The following FAAH2 variants were observed in gnomAD, a reference collection of about 807,000 sequenced individuals.
FAAH2 encodes fatty-acid amide hydrolase 2.
FAAH2 carries 60 observed loss-of-function variants against 36.9 expected under a neutral mutation model. The observed-to-expected ratio is 1.63, with a 90% CI of 1.32 to 2.02. The LOEUF (loss-of-function observed/expected upper bound fraction) is 2.02, where lower values mean the gene tolerates loss of function less well. Ranked by LOEUF, FAAH2 falls within the 30% of genes most tolerant of loss-of-function variation. The pLI is 0.00. For synonymous variants in FAAH2, 214 were observed against 143.8 expected, an observed-to-expected ratio of 1.49 and a Z score of -3.49; for missense variants, 689 against 397.5, an observed-to-expected ratio of 1.73 and a Z score of -6.23.
chrX:57,284,247 G>T (rs1281640234), upstream of FAAH2, among the ~76,000 whole-genome samples: 1 of 111,576 alleles, frequency 9.0e-6, no homozygotes, highest in African/African-American at 3.3e-5. Context: ...GGTGGTGGGT[G>T]CTTATAATAC....
the FAAH2 span, among the ~76,000 whole-genome samples, chrX:57,189,079 C>A: frequency 9.0e-6 from 1 of 110,727 alleles, no homozygotes; most frequent in African/African-American, 3.3e-5. Flanking sequence ...AGTCTTGGTT[C>A]TTTCCTTTTA....
At chrX:57,239,251 T>G in the FAAH2 span, among the ~76,000 whole-genome samples, 1 of 111,445 alleles carries the variant, frequency 9.0e-6, no homozygotes, top group Non-Finnish European at 1.9e-5. Context: ...GTTGGTAGGT[T>G]TTTCATTATT....
At chrX:57,445,406 C>G (rs1179378107) in intron 8 of FAAH2, among the ~76,000 whole-genome samples, 2 of 111,544 alleles carry the variant, frequency 1.8e-5, no homozygotes, top group African/African-American at 6.5e-5. Flanking sequence ...CATGAGTACT[C>G]CTGTGGCCAC....
At chrX:57,468,242 A>G (rs894693794) in intron 10 of FAAH2, among the ~76,000 whole-genome samples, 1 of 112,163 alleles carries the variant, frequency 8.9e-6, no homozygotes, top group Non-Finnish European at 1.9e-5. Flanking sequence ...ACAAAGCTGG[A>G]TGGAGAATGA....
At chrX:57,459,199 T>A (rs1398437948) in intron 10 of FAAH2, among the ~76,000 whole-genome samples, 1 of 112,096 alleles carries the variant, frequency 8.9e-6, no homozygotes. Context: ...CTGAGAGTGC[T>A]AACAAGGCCT....
intron 7 of FAAH2, among the ~76,000 whole-genome samples, chrX:57,410,148 T>C (rs1293033186): frequency 4.5e-5 from 5 of 111,493 alleles, no homozygotes. Flanking sequence ...GAAGGATATT[T>C]GTTTATTTCT....
the FAAH2 span, among the ~76,000 whole-genome samples, chrX:57,157,756 G>A: frequency 9.0e-6 from 1 of 111,499 alleles, no homozygotes; most frequent in Non-Finnish European, 1.9e-5. Flanking sequence ...TTCCGCAGGG[G>A]GTAGGAGGAT....
chrX:57,371,622 C>A (rs938586522), intron 5 of FAAH2, among the ~76,000 whole-genome samples: 1 of 84,806 alleles, frequency 1.2e-5, no homozygotes, highest in African/African-American at 3.6e-5. Flanking sequence ...TGGGTTGGAT[C>A]ACAGTTCTAT....
chrX:57,303,779 C>T (rs185589437), intron 2 of FAAH2, among the ~76,000 whole-genome samples: 84 of 111,874 alleles, frequency 7.5e-4, no homozygotes, highest in African/African-American at 2.6e-3. Context: ...TAATTCGCTA[C>T]CAAAATTGTC....
chrX:57,169,463 G>C, the FAAH2 span, among the ~76,000 whole-genome samples: 1 of 58,045 alleles, frequency 1.7e-5, no homozygotes, highest in African/African-American at 7.9e-5. Context: ...CAACTTCCTA[G>C]GCTATAATTT....
At chrX:57,413,130 G>A (rs2055745923) in intron 7 of FAAH2, among the ~76,000 whole-genome samples, 1 of 111,903 alleles carries the variant, frequency 8.9e-6, no homozygotes, top group Non-Finnish European at 1.9e-5. Context: ...TCAGCCCTTT[G>A]TCAGATGGAG....
intron 5 of FAAH2, 38 bp from the exon 6 acceptor site, chrX:57,378,613 T>G: frequency 8.3e-7 from 1 of 1,206,745 alleles, no homozygotes; most frequent in Non-Finnish European, 1.1e-6. Flanking sequence ...GGATCATGTC[T>G]TATTTTGGGC....
At chrX:57,166,152 G>A in the FAAH2 span, among the ~76,000 whole-genome samples, 1 of 108,875 alleles carries the variant, frequency 9.2e-6, no homozygotes, top group Admixed American at 9.8e-5. Context: ...GCCTCTGAGC[G>A]GCCTGACCCC....
chrX:57,145,027 A>T, the FAAH2 span, among the ~76,000 whole-genome samples: 423 of 111,332 alleles, frequency 3.8e-3, no homozygotes, highest in African/African-American at 0.013. Context: ...TGCTGCTATA[A>T]ACATGCATGT....
chrX:57,361,676 A>G (rs2054289429), intron 5 of FAAH2, among the ~76,000 whole-genome samples: 1 of 111,103 alleles, frequency 9.0e-6, no homozygotes, highest in African/African-American at 3.3e-5. Context: ...TATTTTTTTA[A>G]ATTGTAAGAC....
the FAAH2 span, among the ~76,000 whole-genome samples, chrX:57,240,968 C>T: frequency 8.9e-6 from 1 of 111,923 alleles, no homozygotes; most frequent in Non-Finnish European, 1.9e-5. Flanking sequence ...AATCCAAATC[C>T]ACCTACATGA....
At chrX:57,443,251 T>G (rs925947514) in intron 8 of FAAH2, among the ~76,000 whole-genome samples, 1 of 111,984 alleles carries the variant, frequency 8.9e-6, no homozygotes, top group African/African-American at 3.3e-5. Context: ...GGTACACCAA[T>G]CAGATGTAGA....
At chrX:57,157,552 C>G in the FAAH2 span, among the ~76,000 whole-genome samples, 3 of 111,444 alleles carry the variant, frequency 2.7e-5, no homozygotes, top group Non-Finnish European at 5.7e-5. Flanking sequence ...CTTTCTCTCC[C>G]AACACACAGA....
At chrX:57,296,344 T>A (rs1399784411) in intron 2 of FAAH2, among the ~76,000 whole-genome samples, 1 of 111,634 alleles carries the variant, frequency 9.0e-6, no homozygotes. Context: ...GCAAACAGGG[T>A]CTGCAGTGGA....
Sources: allele counts gnomAD v4.1 joint callset (sites outside exome capture counted in the v4.1 genomes callset), GRCh38; gene constraint gnomAD v4.1.1; transcripts MANE v1.5; gene names NCBI Gene and HGNC (gene_info 2026-07-23, HGNC 2026-07-21).